CTBP2: variants seen among roughly 807,000 people sequenced by gnomAD.
CTBP2 encodes the protein C-terminal binding protein 2.
In CTBP2, 30 loss-of-function variants were observed where a neutral mutation model predicts 80.3. The observed-to-expected ratio is 0.37, with a 90% CI of 0.28 to 0.51. The LOEUF (loss-of-function observed/expected upper bound fraction) is 0.51. CTBP2 is among the 20% of genes least tolerant of loss of function. CTBP2 has a pLI of 0.93. For synonymous variants in CTBP2, 594 were observed against 587.4 expected (o/e 1.01, Z -0.16); for missense variants, 1,212 against 1,375.3 (o/e 0.88, Z 1.88).
chr10:125,146,031 C>T (rs897779864), intron 1 of CTBP2, among the ~76,000 whole-genome samples: 11 of 151,912 alleles, frequency 7.2e-5, no homozygotes, highest in Admixed American at 2.0e-4. Context: ...TCAAGTGATT[C>T]TCCTGCCTCA....
chr10:125,149,095 C>G (rs1859340446), intron 1 of CTBP2, among the ~76,000 whole-genome samples: 1 of 152,154 alleles, frequency 6.6e-6, no homozygotes, highest in African/African-American at 2.4e-5. Context: ...ATCTTCTGCC[C>G]AGCGCAAAGG....
At chr10:125,043,032 AT>A (rs367898947) in intron 2 of CTBP2, among the ~76,000 whole-genome samples, 75 of 152,338 alleles carry the variant, frequency 4.9e-4, no homozygotes, top group African/African-American at 1.8e-3. Context: ...GTGCCAAGAA[AT>A]TCAACTCATT....
intron 1 of CTBP2, among the ~76,000 whole-genome samples, chr10:125,123,877 G>T (rs1335373719): frequency 6.6e-6 from 1 of 152,224 alleles, no homozygotes; most frequent in Non-Finnish European, 1.5e-5. Context: ...CCAACAGAGG[G>T]CACGTTCCCT....
rs187117477 is a variant in CTBP2, at chr10:125,123,582, C to T, written c.-205-12489G>A. Among the ~76,000 whole-genome samples the T allele has an allele frequency of 1.2e-4, 18 of 152,266 alleles. No individual in the cohort carries two copies. The East Asian group carries it at 2.7e-3, about 23-fold the overall frequency. On this transcript the variant is annotated intron_variant, in intron 1 of 10. Transcript: ENST00000337195. ...TGCTGGGCACTAAGTAGGGCAATTC[C>T]TTTCTTTAGGGGATCAGCGCTTACA...
At chr10:125,129,749 C>T (rs368653286) in intron 1 of CTBP2, among the ~76,000 whole-genome samples, 1 of 152,170 alleles carries the variant, frequency 6.6e-6, no homozygotes, top group Non-Finnish European at 1.5e-5. Context: ...AGGAGGAGCA[C>T]AGAAACACCT....
chr10:124,997,922 G>C (rs772252602), intron 4 of CTBP2, 42 bp downstream of exon 6: 1 of 1,575,816 alleles, frequency 6.3e-7, no homozygotes, highest in East Asian at 2.2e-5. Context: ...ACCAGCCCCA[G>C]TGTCGGAGGG....
chr10:125,049,004 C>T (rs1019474659), intron 2 of CTBP2, among the ~76,000 whole-genome samples: 1 of 150,624 alleles, frequency 6.6e-6, no homozygotes, highest in Non-Finnish European at 1.5e-5. Flanking sequence ...CCAGAATGCA[C>T]ATTAATGTGC....
At position 125,096,045 on chromosome 10, in the gene CTBP2, G is replaced by A. The variant is rs142194380; in HGVS notation, c.-102+14945C>T. On this transcript the variant is annotated intron_variant, in intron 2 of 10. Transcript: ENST00000337195. Reference sequence around the variant, plus strand: ...CAGGAAGGGAGCGCAGGGAGTGGGGGCTCATCTCCTTTCCCTCCACTCCTT... The same window carrying A: ...CAGGAAGGGAGCGCAGGGAGTGGGGACTCATCTCCTTTCCCTCCACTCCTT... 2.8e-4 allele frequency among the ~76,000 whole-genome samples: 43 copies of A among 151,896 alleles called. No individual in the cohort carries two copies. The East Asian group carries it at 8.0e-3, about 28-fold the overall frequency.
At chr10:124,993,008 G>A (rs1952914485) in intron 7 of CTBP2, among the ~76,000 whole-genome samples, 194 bp downstream of exon 9, 1 of 152,154 alleles carries the variant, frequency 6.6e-6, no homozygotes, top group Admixed American at 6.5e-5. Flanking sequence ...ATAATGTCTG[G>A]GACTAAAGGG....
At chr10:125,128,723 A>G (rs935052933) in intron 1 of CTBP2, among the ~76,000 whole-genome samples, 2 of 152,260 alleles carry the variant, frequency 1.3e-5, no homozygotes, top group African/African-American at 4.8e-5. Context: ...GATCAGTGGA[A>G]GCATAAAATG....
intron 2 of CTBP2, among the ~76,000 whole-genome samples, chr10:125,069,537 C>T (rs1414334603): frequency 1.3e-5 from 2 of 152,166 alleles, no homozygotes; most frequent in African/African-American, 4.8e-5. Flanking sequence ...AGAACTGCCA[C>T]GAACCCAGGA....
At chr10:125,035,864 A>C (rs1469472143) in intron 3 of CTBP2, among the ~76,000 whole-genome samples, 1 of 152,254 alleles carries the variant, frequency 6.6e-6, no homozygotes, top group African/African-American at 2.4e-5. Context: ...GAGAATGAGG[A>C]GACCACAATC....
intron 2 of CTBP2, among the ~76,000 whole-genome samples, chr10:125,098,708 CAGAG>C (rs1850045599): frequency 1.5e-3 from 96 of 65,726 alleles, no homozygotes; most frequent in African/African-American, 4.9e-3. Flanking sequence ...GAGAGAGAGA[CAGAG>C]AGAGAGAGAG....
At chr10:125,053,019 G>A (rs942805532) in intron 2 of CTBP2, among the ~76,000 whole-genome samples, 1 of 152,186 alleles carries the variant, frequency 6.6e-6, no homozygotes, top group Non-Finnish European at 1.5e-5. Flanking sequence ...GCATGCAGCC[G>A]CTGACCCCAA....
At chr10:125,015,085 C>T (rs1294612311) in intron 1 of CTBP2, among the ~76,000 whole-genome samples, 1 of 152,218 alleles carries the variant, frequency 6.6e-6, no homozygotes, top group Non-Finnish European at 1.5e-5. Flanking sequence ...CGTTCCTCGA[C>T]ATTAGGTCTG....
rs1952065125 is a variant in CTBP2, at chr10:124,987,029, TC to T, written c.*2488del. 6.6e-6 allele frequency: 1 copy of T among 152,590 alleles called. No individual in the cohort carries two copies. The highest frequency in any genetic ancestry group is 2.4e-5 in the African/African-American group (1 of 41,436). The allele number at this position is 152,590 out of a possible 1,614,324, so 9.5% of individuals were successfully genotyped here. On this transcript the variant is annotated 3_prime_UTR_variant, in exon 9 of 9. Coordinates refer to ENST00000309035, the MANE Select transcript of CTBP2 (RefSeq NM_022802.3). ...CATAGTGTGATAGGTGCAGCATTCTTCCCTGTGGGAAAGAATTAAAGATGGT... is the reference window on the plus strand; with the variant it reads ...CATAGTGTGATAGGTGCAGCATTCTTCCTGTGGGAAAGAATTAAAGATGGT...
chr10:125,095,540 A>G (rs962878547), intron 2 of CTBP2, among the ~76,000 whole-genome samples: 14 of 152,146 alleles, frequency 9.2e-5, no homozygotes, highest in African/African-American at 3.1e-4. Context: ...CACCAGGAAA[A>G]GACAAGAACA....
At chr10:125,033,784 G>A (rs969763399) in intron 3 of CTBP2, among the ~76,000 whole-genome samples, 4 of 152,060 alleles carry the variant, frequency 2.6e-5, no homozygotes, top group Non-Finnish European at 5.9e-5. Flanking sequence ...GGGACCAAGA[G>A]GACAGGCACT....
intron 1 of CTBP2, among the ~76,000 whole-genome samples, chr10:125,159,436 G>A (rs1220799051): frequency 2.1e-5 from 3 of 143,402 alleles, no homozygotes; most frequent in Non-Finnish European, 3.1e-5. Flanking sequence ...CCCGCCGCCC[G>A]GCCCGCCCAG....
Sources: allele counts gnomAD v4.1 joint callset (sites outside exome capture counted in the v4.1 genomes callset), GRCh38; gene constraint gnomAD v4.1.1; transcripts MANE v1.5; gene names NCBI Gene and HGNC (gene_info 2026-07-23, HGNC 2026-07-21).